The following DGKG variants were observed in gnomAD, a reference collection of about 807,000 sequenced individuals.
DGKG encodes DAG kinase gamma.
Under a neutral mutation model 105.3 loss-of-function variants are expected in DGKG, and 78 were observed. The observed-to-expected ratio is 0.74, with a 90% CI of 0.62 to 0.89. The LOEUF (loss-of-function observed/expected upper bound fraction) is 0.89, where lower values mean the gene tolerates loss of function less well. DGKG is among the 40% of genes least tolerant of loss of function. The pLI is 0.00. For synonymous variants in DGKG, 346 were observed against 367.1 expected, an observed-to-expected ratio of 0.94 and a Z score of 0.66; for missense variants, 958 against 1,020.1, an observed-to-expected ratio of 0.94 and a Z score of 0.83.
chr3:186,328,019 C>A (rs2108648083), intron 1 of DGKG, among the ~76,000 whole-genome samples: 1 of 152,288 alleles, frequency 6.6e-6, no homozygotes, highest in East Asian at 1.9e-4. Context: ...CCAAATCTAC[C>A]TTCTGTCTAC....
chr3:186,321,596 G>A (rs1391236807), intron 1 of DGKG, among the ~76,000 whole-genome samples: 1 of 152,190 alleles, frequency 6.6e-6, no homozygotes, highest in Non-Finnish European at 1.5e-5. Context: ...CAAAGAACAA[G>A]CACAGTTTTA....
At chr3:186,282,464 A>G (rs1722872847) in intron 7 of DGKG, among the ~76,000 whole-genome samples, 1 of 152,140 alleles carries the variant, frequency 6.6e-6, no homozygotes, top group African/African-American at 2.4e-5. Context: ...ACCTGCAATG[A>G]TTCTACCCTG....
intron 11 of DGKG, among the ~76,000 whole-genome samples, chr3:186,270,227 G>A (rs529526280): frequency 3.3e-5 from 5 of 152,284 alleles, no homozygotes; most frequent in African/African-American, 4.8e-5. Flanking sequence ...CCAGGTTCAA[G>A]CAATCCTCCC....
intron 1 of DGKG, among the ~76,000 whole-genome samples, chr3:186,359,730 A>G (rs1159439283): frequency 6.6e-6 from 1 of 152,186 alleles, no homozygotes; most frequent in Non-Finnish European, 1.5e-5. Context: ...TGGATTGTAT[A>G]ATTTCGAGGC....
chr3:186,217,056 A>T (rs1200830814), intron 20 of DGKG, among the ~76,000 whole-genome samples: 2 of 152,166 alleles, frequency 1.3e-5, no homozygotes, highest in African/African-American at 4.8e-5. Context: ...AATGCATAGT[A>T]AGTGCTCAGT....
intron 1 of DGKG, among the ~76,000 whole-genome samples, chr3:186,331,385 A>G (rs978726534): frequency 3.9e-5 from 6 of 152,260 alleles, no homozygotes; most frequent in African/African-American, 1.4e-4. Context: ...ATTTAAGTTT[A>G]TGAGTGGTAA....
intron 21 of DGKG, among the ~76,000 whole-genome samples, chr3:186,197,988 T>C (rs1030752685): frequency 6.6e-6 from 1 of 152,220 alleles, no homozygotes; most frequent in Admixed American, 6.5e-5. Context: ...TTTTGCATAG[T>C]TGTCTGTCCC....
chr3:186,187,475 A>C (rs1717698036), intron 22 of DGKG, among the ~76,000 whole-genome samples: 1 of 152,130 alleles, frequency 6.6e-6, no homozygotes, highest in Non-Finnish European at 1.5e-5. Context: ...TGAGTGGAGA[A>C]GGTTTGGGGG....
chr3:186,160,359 TA>T (rs1716235811), intron 24 of DGKG: 10 of 985,318 alleles, frequency 1.0e-5, no homozygotes, highest in Non-Finnish European at 1.1e-5. Flanking sequence ...GGGTTGGAGA[TA>T]AAAGGAACTT....
intron 13 of DGKG, among the ~76,000 whole-genome samples, chr3:186,265,809 C>T (rs941943776): frequency 6.6e-6 from 1 of 151,780 alleles, no homozygotes; most frequent in Non-Finnish European, 1.5e-5. Context: ...ACTACAGGTG[C>T]GTGCCACCAC....
At chr3:186,316,746 G>A (rs1470711942) in intron 2 of DGKG, among the ~76,000 whole-genome samples, 1 of 152,180 alleles carries the variant, frequency 6.6e-6, no homozygotes, top group Non-Finnish European at 1.5e-5. Context: ...AAAACAACAA[G>A]AGCCTCTCCT....
At chr3:186,260,678 G>T (rs977306653) in intron 15 of DGKG, among the ~76,000 whole-genome samples, 165 bp from the exon 16 acceptor site, 24 of 152,210 alleles carry the variant, frequency 1.6e-4, no homozygotes, top group African/African-American at 5.1e-4. Context: ...CTGGCGTCCA[G>T]GTTCCACCTG....
chr3:186,265,503 G>A (rs1190995655), intron 13 of DGKG, among the ~76,000 whole-genome samples, 197 bp from the exon 14 acceptor site: 1 of 152,166 alleles, frequency 6.6e-6, no homozygotes, highest in Non-Finnish European at 1.5e-5. Context: ...GGATTCTTCA[G>A]GCCTCCAGTG....
chr3:186,330,545 A>T lies in DGKG; in HGVS notation c.-248-9838T>A, dbSNP rs145602107. On this transcript the variant is annotated intron_variant, in intron 1 of 24. Transcript: ENST00000265022. ...GGCCCACTTCTGAGTTCCTAAGGGC[A>T]CTGAACTGCCATGTAAGAAGTTCAG... is the stretch of plus-strand genomic sequence containing the variant. Among the ~76,000 whole-genome samples, 457 of 152,336 alleles carry T rather than the reference A, an allele frequency of 3.0e-3. 3 individuals carry two copies. Among genetic ancestry groups the T allele is most frequent in the Admixed American group, 6.4e-3 (98 of 15,300 alleles).
chr3:186,251,888 C>G lies in DGKG; in HGVS notation c.1632G>C (p.Leu544=). 6.3e-7 allele frequency: 1 copy of G among 1,596,518 alleles called. No individual in the cohort carries two copies. The highest frequency in any genetic ancestry group is 1.1e-5 in the South Asian group (1 of 89,078). ...GYEGGSLTKI[L]KDIEQSPLVM... The stretch of plus-strand genomic sequence containing the variant: ...CCAAGGGGCTCTGCTCAATGTCTTT[C>G]AGGATTTTTGTCAAGCTGCCCCCTT... Residue 544 remains leucine, a synonymous_variant, in exon 19 of 25, where the codon CTG becomes CTC. Coordinates refer to ENST00000265022, the MANE Select transcript of DGKG (RefSeq NM_001346.3).
Position 186,264,411 on chromosome 3 carries a change from C to T in DGKG, c.1269+836G>A, listed in dbSNP as rs372381664. Among the ~76,000 whole-genome samples, 47 of 152,164 alleles carry T rather than the reference C, an allele frequency of 3.1e-4. No individual in the cohort carries two copies. In the South Asian group the frequency reaches 6.6e-3, roughly 22 times the overall value. The stretch of plus-strand genomic sequence containing the variant: ...CCCGAGTAGCTGGGATTACAGGCAC[C>T]TCCCACCACGCCCGGCTAATTTTTG... On this transcript the variant is annotated intron_variant, in intron 14 of 24. Transcript: ENST00000265022.
intron 7 of DGKG, among the ~76,000 whole-genome samples, chr3:186,283,422 G>C (rs1388220080): frequency 2.0e-5 from 3 of 152,054 alleles, no homozygotes; most frequent in Non-Finnish European, 4.4e-5. Context: ...CTCCTGGAAG[G>C]CTCTTCCCCT....
At chr3:186,299,625 T>C (rs1723773109) in intron 3 of DGKG, among the ~76,000 whole-genome samples, 2 of 151,998 alleles carry the variant, frequency 1.3e-5, no homozygotes, top group African/African-American at 2.4e-5. Context: ...TGTGTCTCTT[T>C]ATTTCACACT....
intron 10 of DGKG, among the ~76,000 whole-genome samples, chr3:186,274,265 G>A (rs1006658505): frequency 6.6e-6 from 1 of 152,146 alleles, no homozygotes. Context: ...TCAGCTCACC[G>A]CAACCTCTGC....
Sources: allele counts gnomAD v4.1 joint callset (sites outside exome capture counted in the v4.1 genomes callset), GRCh38; gene constraint gnomAD v4.1.1; transcripts MANE v1.5; gene names NCBI Gene and HGNC (gene_info 2026-07-23, HGNC 2026-07-21).